Variants in FRMD3 observed in about 807,000 individuals in gnomAD.
The protein encoded by FRMD3 is FERM domain containing 3, also known as FERM domain-containing protein 3.
FRMD3 carries 33 observed loss-of-function variants against 70.2 expected under a neutral mutation model. The ratio of observed to expected loss-of-function variants is 0.47; its 90% CI spans 0.36 to 0.63. The LOEUF is 0.63. FRMD3 is among the 20% of genes least tolerant of loss of function. The probability of loss-of-function intolerance (pLI) is 0.00; values close to 1 mark genes in which losing one functional copy is unlikely to be tolerated. For missense variants in FRMD3, 632 were observed against 711.4 expected (o/e 0.89, Z 1.27); for synonymous variants, 279 against 255.9 (o/e 1.09, Z -0.86).
chr9:83,385,689 C>A (rs1564051824), intron 2 of FRMD3, among the ~76,000 whole-genome samples: 1 of 152,022 alleles, frequency 6.6e-6, no homozygotes, highest in Non-Finnish European at 1.5e-5. Context: ...AGCTTTCTAT[C>A]CAAATAATTC....
At chr9:83,406,793 A>G (rs1316314014) in intron 1 of FRMD3, among the ~76,000 whole-genome samples, 1 of 152,222 alleles carries the variant, frequency 6.6e-6, no homozygotes, top group Non-Finnish European at 1.5e-5. Flanking sequence ...AAATCCAGAA[A>G]TGTAAACTGT....
At chr9:83,409,667 T>G (rs566316876) in intron 1 of FRMD3, among the ~76,000 whole-genome samples, 1 of 152,260 alleles carries the variant, frequency 6.6e-6, no homozygotes, top group Non-Finnish European at 1.5e-5. Context: ...CATTTACATA[T>G]ATTAGCTCGT....
At chr9:83,479,114 C>A (rs5014096) in intron 1 of FRMD3, among the ~76,000 whole-genome samples, 65,395 of 151,710 alleles carry the variant, frequency 0.43, 14,240 homozygotes, top group Middle Eastern at 0.46. Context: ...ACTAGGCACA[C>A]ACAGGCATGT....
chr9:83,473,311 C>T (rs1279702233), intron 1 of FRMD3, among the ~76,000 whole-genome samples: 1 of 152,202 alleles, frequency 6.6e-6, no homozygotes, highest in Non-Finnish European at 1.5e-5. Context: ...TCTAAATCCA[C>T]AAGAACTCCC....
intron 13 of FRMD3, among the ~76,000 whole-genome samples, chr9:83,275,597 C>A (rs2118853056): frequency 6.6e-6 from 1 of 152,334 alleles, no homozygotes. Flanking sequence ...CTCTAAGGAT[C>A]AAGCACCATA....
the FRMD3 span, among the ~76,000 whole-genome samples, chr9:83,571,167 TAA>T: frequency 6.6e-6 from 1 of 152,230 alleles, no homozygotes; most frequent in Admixed American, 6.5e-5. Flanking sequence ...AAAAGGTTCT[TAA>T]AAAGAGTCTG....
At chr9:83,364,889 C>G (rs1824738741) in intron 3 of FRMD3, among the ~76,000 whole-genome samples, 1 of 152,122 alleles carries the variant, frequency 6.6e-6, no homozygotes, top group African/African-American at 2.4e-5. Flanking sequence ...AATTTATCTG[C>G]CCCTTGTATG....
rs540097451 is a variant in FRMD3 at position 83,343,407 on chromosome 9, A to G, written c.375-120T>C. The G allele has an allele frequency of 3.3e-4, 225 of 673,206 alleles. 1 individual carries two copies. The highest frequency in any genetic ancestry group is 5.6e-4 in the Non-Finnish European group (208 of 372,550). 41.7% of individuals were successfully genotyped at this position (673,206 alleles called of 1,614,324 possible). A position where few individuals can be genotyped will look rare whatever the true frequency, so the allele number is the denominator to read the frequency against. On this transcript the variant is annotated intron_variant, in intron 4 of 13. Coordinates refer to ENST00000304195, the MANE Select transcript of FRMD3 (RefSeq NM_174938.6). ...TTTTCCCAGCTCTAGAGACTGGCTT[A>G]GACATGCCCAGCCCTTTGTAGAACA... is the stretch of plus-strand genomic sequence containing the variant.
At chr9:83,562,897 C>G in the FRMD3 span, among the ~76,000 whole-genome samples, 11 of 151,748 alleles carry the variant, frequency 7.2e-5, no homozygotes, top group Non-Finnish European at 1.0e-4. Flanking sequence ...CAATGCCCCC[C>G]CCCCAGCACA....
At chr9:83,412,668 T>C (rs1385424514) in intron 1 of FRMD3, among the ~76,000 whole-genome samples, 1 of 152,218 alleles carries the variant, frequency 6.6e-6, no homozygotes, top group African/African-American at 2.4e-5. Flanking sequence ...GCTGAAATTG[T>C]TGACTAAAGG....
chr9:83,411,226 C>G (rs2131339436), intron 1 of FRMD3, among the ~76,000 whole-genome samples: 1 of 152,300 alleles, frequency 6.6e-6, no homozygotes, highest in East Asian at 1.9e-4. Context: ...TTGGGGCTAA[C>G]TATATAATTT....
chr9:83,357,514 T>C (rs1374264736), intron 3 of FRMD3, among the ~76,000 whole-genome samples: 3 of 151,802 alleles, frequency 2.0e-5, no homozygotes, highest in Non-Finnish European at 4.4e-5. Context: ...CTGTTTTCCA[T>C]AGTGGTTGTA....
At position 83,246,815 on chromosome 9, in the gene FRMD3, C is replaced by T; in HGVS notation, c.*1103G>A. 1 of 985,322 alleles carries T rather than the reference C, an allele frequency of 1.0e-6. No individual in the cohort carries two copies. Among genetic ancestry groups the T allele is most frequent in the Non-Finnish European group, 1.2e-6 (1 of 829,866 alleles). 61.0% of individuals were successfully genotyped at this position (985,322 alleles called of 1,614,324 possible). On this transcript the variant is annotated 3_prime_UTR_variant, in exon 14 of 14. Transcript: ENST00000304195. ...ATCCACTTAAACATGTTCATGTTAA[C>T]TCAGACAGCGACTGCACTGCTCTTC...
rs149494801 is a variant in FRMD3 at position 83,409,376 on chromosome 9, C to A, written c.148-19668G>T. 6.3e-4 allele frequency among the ~76,000 whole-genome samples: 96 copies of A among 152,262 alleles called. 1 individual carries two copies. The East Asian group carries it at 0.018, about 28-fold the overall frequency. On this transcript the variant is annotated intron_variant, in intron 1 of 13. Coordinates refer to ENST00000304195, the MANE Select transcript of FRMD3 (RefSeq NM_174938.6). Reference sequence around the variant, plus strand: ...TCAAACTGGTCTTTTATTTATTAAGCTCCTAATTGCTCTCCAGATGAGGCT... The same window carrying A: ...TCAAACTGGTCTTTTATTTATTAAGATCCTAATTGCTCTCCAGATGAGGCT...
chr9:83,581,945 G>T, the FRMD3 span, among the ~76,000 whole-genome samples: 1 of 152,158 alleles, frequency 6.6e-6, no homozygotes, highest in Non-Finnish European at 1.5e-5. Context: ...TGATGAAAAT[G>T]TTCTAAACTT....
chr9:83,245,654 T>TA lies in FRMD3; in HGVS notation c.*2263dup. 1.2e-6 allele frequency: 1 copy of TA among 846,748 alleles called. No individual in the cohort carries two copies. Among genetic ancestry groups the TA allele is most frequent in the African/African-American group, 1.8e-5 (1 of 54,714 alleles). The allele number at this position is 846,748 out of a possible 1,614,324, so 52.5% of individuals were successfully genotyped here. A position where few individuals can be genotyped will look rare whatever the true frequency, so the allele number is the denominator to read the frequency against. ...TGGAAAATATATTAGTTCCATAATTTAAAAAATATTATATAATATTATTTT... is the reference window on the plus strand; with the variant it reads ...TGGAAAATATATTAGTTCCATAATTTAAAAAAATATTATATAATATTATTTT... On this transcript the variant is annotated 3_prime_UTR_variant, in exon 14 of 14. Transcript: ENST00000304195.
At chr9:83,412,956 C>A (rs1394087133) in intron 1 of FRMD3, among the ~76,000 whole-genome samples, 2 of 151,552 alleles carry the variant, frequency 1.3e-5, no homozygotes, top group African/African-American at 2.4e-5. Context: ...GATCATGCCA[C>A]TGCATTTAGC....
intron 1 of FRMD3, among the ~76,000 whole-genome samples, chr9:83,444,391 C>G (rs1248164110): frequency 6.6e-6 from 1 of 152,214 alleles, no homozygotes; most frequent in Non-Finnish European, 1.5e-5. Flanking sequence ...CTCAGACAGT[C>G]GGGGCTGCCC....
chr9:83,434,819 C>CTTTTTTTTTTTTTTT (rs757810185), intron 1 of FRMD3, among the ~76,000 whole-genome samples: 1 of 74,878 alleles, frequency 1.3e-5, no homozygotes, highest in Non-Finnish European at 2.3e-5. Flanking sequence ...CACCCCTCTG[C>CTTTTTTTTTTTTTTT]TTTTTTTTTT....
Sources: allele counts gnomAD v4.1 joint callset (sites outside exome capture counted in the v4.1 genomes callset), GRCh38; gene constraint gnomAD v4.1.1; transcripts MANE v1.5; gene names NCBI Gene and HGNC (gene_info 2026-07-23, HGNC 2026-07-21).